EFEMP1: variants seen among roughly 807,000 people sequenced by gnomAD.
The protein encoded by EFEMP1 is EGF-containing fibulin-like extracellular matrix protein 1.
Under a neutral mutation model 65.7 loss-of-function variants are expected in EFEMP1, and 18 were observed. The ratio of observed to expected loss-of-function variants is 0.27; its 90% CI spans 0.19 to 0.41. The LOEUF (loss-of-function observed/expected upper bound fraction) is 0.41, where lower values mean the gene tolerates loss of function less well. EFEMP1 is among the 10% of genes least tolerant of loss of function. The pLI, the probability that EFEMP1 is intolerant of heterozygous loss-of-function variation, is 1.00. For synonymous variants in EFEMP1, 237 were observed against 219.7 expected, an observed-to-expected ratio of 1.08 and a Z score of -0.70; for missense variants, 469 against 624.8, an observed-to-expected ratio of 0.75 and a Z score of 2.66.
intron 5 of EFEMP1, among the ~76,000 whole-genome samples, chr2:55,894,233 C>T (rs1356728836): frequency 6.6e-6 from 1 of 151,946 alleles, no homozygotes; most frequent in Admixed American, 6.6e-5. Context: ...CAAGTTCTAG[C>T]TATGAAAAAG....
intron 9 of EFEMP1, among the ~76,000 whole-genome samples, chr2:55,874,389 G>A (rs935667129): frequency 5.3e-5 from 8 of 151,344 alleles, no homozygotes; most frequent in African/African-American, 1.7e-4. Context: ...TTCCACTTAC[G>A]TATAGGTGTG....
chr2:55,910,015 C>T (rs1383784561), intron 5 of EFEMP1, among the ~76,000 whole-genome samples: 2 of 152,006 alleles, frequency 1.3e-5, no homozygotes, highest in African/African-American at 4.8e-5. Flanking sequence ...GCCTAGTTAC[C>T]CTGGATGGGA....
chr2:55,892,610 C>T (rs1003237374), intron 5 of EFEMP1, among the ~76,000 whole-genome samples: 1 of 152,064 alleles, frequency 6.6e-6, no homozygotes, highest in Non-Finnish European at 1.5e-5. Flanking sequence ...TACTGTGTTC[C>T]TATAAAGTTA....
At chr2:55,895,056 G>A (rs1407709416) in intron 5 of EFEMP1, among the ~76,000 whole-genome samples, 1 of 152,162 alleles carries the variant, frequency 6.6e-6, no homozygotes, top group Non-Finnish European at 1.5e-5. Flanking sequence ...TTGGTCTGTG[G>A]GCCCTGGACA....
At chr2:55,891,219 T>C (rs2104408144) in intron 5 of EFEMP1, among the ~76,000 whole-genome samples, 1 of 152,256 alleles carries the variant, frequency 6.6e-6, no homozygotes, top group South Asian at 2.1e-4. Flanking sequence ...ATTATTTGTT[T>C]TGATGTATTA....
intron 5 of EFEMP1, among the ~76,000 whole-genome samples, chr2:55,912,444 G>C (rs1053129448): frequency 5.9e-5 from 9 of 152,104 alleles, no homozygotes; most frequent in Admixed American, 2.6e-4. Flanking sequence ...AGTTTAAAAT[G>C]AAAGAAGTCA....
intron 5 of EFEMP1, among the ~76,000 whole-genome samples, chr2:55,915,434 A>G (rs1670642882): frequency 6.6e-6 from 1 of 152,254 alleles, no homozygotes; most frequent in Non-Finnish European, 1.5e-5. Context: ...AATATTTTCT[A>G]GAAAAGTTAA....
chr2:55,902,369 G>A (rs1054236835), intron 5 of EFEMP1, among the ~76,000 whole-genome samples: 2 of 152,180 alleles, frequency 1.3e-5, no homozygotes, highest in Admixed American at 6.5e-5. Context: ...AAAGGCACTC[G>A]TCTCCAGTGA....
rs376553875 is a variant in EFEMP1, at chr2:55,917,966, C to T, written c.216G>A (p.Pro72=). The T allele has an allele frequency of 4.3e-5, 70 of 1,614,068 alleles. No homozygotes were observed. The highest frequency in any genetic ancestry group is 1.6e-4 in the Middle Eastern group (1 of 6,084). Residue 72 remains proline (P), a synonymous_variant, in exon 5 of 12, where the codon CCG becomes CCA. Coordinates refer to ENST00000355426, the MANE Select transcript of EFEMP1 (RefSeq NM_001039348.3). This position sits in a 1 kb window ranked among gnomAD's most constrained non-coding sequence, Gnocchi z 6.3. ...VNHYGGYLCL[P]KTAQIIVNNE... ...TATTGACAATAATCTGGGCTGTTTT[C>T]GGAAGGCAGAGGTATCCTCCATAGT...
chr2:55,922,576 A>G lies in EFEMP1; in HGVS notation c.-7-129T>C. Reference sequence around the variant, plus strand: ...GAGGCTCCACCATACTCAACTTCCAATCTGCTTTCTCATCTCCCCTCCCCC... The same window carrying G: ...GAGGCTCCACCATACTCAACTTCCAGTCTGCTTTCTCATCTCCCCTCCCCC... On this transcript the variant is annotated intron_variant, in intron 2 of 11. Coordinates refer to ENST00000355426, the MANE Select transcript of EFEMP1 (RefSeq NM_001039348.3). The surrounding 1 kb of genome is among the most constrained non-coding windows in gnomAD (Gnocchi z 5.5). The G allele has an allele frequency of 5.8e-6, 5 of 858,762 alleles. No individual in the cohort carries two copies. The highest frequency in any genetic ancestry group is 2.7e-5 in the East Asian group (1 of 37,382). The allele number at this position is 858,762 out of a possible 1,614,324, so 53.2% of individuals were successfully genotyped here.
intron 5 of EFEMP1, among the ~76,000 whole-genome samples, chr2:55,896,854 G>T (rs1021243404): frequency 3.3e-5 from 5 of 152,114 alleles, no homozygotes; most frequent in Admixed American, 6.5e-5. Flanking sequence ...CCACCTTCAG[G>T]ATGAAACCCA....
chr2:55,896,695 T>C (rs1669841075), intron 5 of EFEMP1, among the ~76,000 whole-genome samples: 1 of 152,198 alleles, frequency 6.6e-6, no homozygotes, highest in African/African-American at 2.4e-5. Context: ...AAATGAGAAC[T>C]CAGAAATAAA....
At chr2:55,916,044 G>A (rs975309128) in intron 5 of EFEMP1, among the ~76,000 whole-genome samples, 1 of 151,700 alleles carries the variant, frequency 6.6e-6, no homozygotes, top group Non-Finnish European at 1.5e-5. Flanking sequence ...TTGATGTGGG[G>A]TACTTAAAGC....
rs573853587 is a variant in EFEMP1 at position 55,898,171 on chromosome 2, A to G, written c.518-16437T>C. 5.3e-5 allele frequency among the ~76,000 whole-genome samples: 8 copies of G among 152,330 alleles called. No homozygotes were observed. In the South Asian group the frequency reaches 1.7e-3, roughly 32 times the overall value. On this transcript the variant is annotated intron_variant, in intron 5 of 11. Transcript: ENST00000355426. ...TGTTCAGTAGACCATTGAAGGGCCT[A>G]TTTAACTCCAAATTGGTTATTTCAT...
Position 55,867,076 on chromosome 2 carries a change from A to C in EFEMP1, c.1479T>G (p.Phe493Leu), listed in dbSNP as rs963256775. Reference protein sequence around the residue: ...RLTIIVGPFSF With the variant: ...RLTIIVGPFSL ...TGTGGTTGACTCTTAGAAAAGACTAAAATGAAAATGGCCCCACTATTATTG... is the reference window on the plus strand; with the variant it reads ...TGTGGTTGACTCTTAGAAAAGACTACAATGAAAATGGCCCCACTATTATTG... The change falls in exon 12 of 12, where the codon TTT becomes TTG. Residue 493 changes from phenylalanine to leucine, a missense_variant. This residue lies in a region of EFEMP1 where 399 missense variants were observed against 528.2 expected (regional missense o/e 0.76). Transcript: ENST00000355426. The surrounding 1 kb of genome is among the most constrained non-coding windows in gnomAD (Gnocchi z 4.3). The C allele has an allele frequency of 6.2e-7, 1 of 1,612,554 alleles. No homozygotes were observed.
chr2:55,918,777 G>C (rs1002085753), intron 3 of EFEMP1, among the ~76,000 whole-genome samples: 9 of 149,160 alleles, frequency 6.0e-5, no homozygotes, highest in Non-Finnish European at 1.0e-4. Flanking sequence ...CTAAGGAACA[G>C]AGGTGTTCCT....
At chr2:55,895,711 T>G (rs1306981273) in intron 5 of EFEMP1, among the ~76,000 whole-genome samples, 3 of 151,704 alleles carry the variant, frequency 2.0e-5, no homozygotes, top group Admixed American at 2.0e-4. Flanking sequence ...CCGGCTAATT[T>G]TTTGTATTTT....
chr2:55,878,940 T>C (rs559883952), intron 6 of EFEMP1, among the ~76,000 whole-genome samples: 2 of 152,338 alleles, frequency 1.3e-5, no homozygotes, highest in African/African-American at 4.8e-5. Context: ...TTAACTTGAA[T>C]ACTGAAATAA....
At chr2:55,879,656 A>T (rs1403479489) in intron 6 of EFEMP1, among the ~76,000 whole-genome samples, 1 of 151,934 alleles carries the variant, frequency 6.6e-6, no homozygotes, top group African/African-American at 2.4e-5. Flanking sequence ...ATTCCATGGA[A>T]TGAGAAGATC....
Sources: allele counts gnomAD v4.1 joint callset (sites outside exome capture counted in the v4.1 genomes callset), GRCh38; gene constraint gnomAD v4.1.1; regional missense constraint gnomAD v4.1.1; non-coding constraint Gnocchi (gnomAD v3.1); transcripts MANE v1.5; gene names NCBI Gene and HGNC (gene_info 2026-07-23, HGNC 2026-07-21).